VAV2: variants seen among roughly 807,000 people sequenced by gnomAD.
The protein encoded by VAV2 is guanine nucleotide exchange factor VAV2.
In VAV2, 67 loss-of-function variants were observed where a neutral mutation model predicts 132.5. That is an observed-to-expected ratio of 0.51 (90% CI 0.42 to 0.62). VAV2 has a LOEUF of 0.62. Ranked by LOEUF, VAV2 falls within the 20% of genes least tolerant of loss-of-function variation. The pLI, the probability that VAV2 is intolerant of heterozygous loss-of-function variation, is 0.00. For synonymous variants in VAV2, 492 were observed against 443.5 expected, an observed-to-expected ratio of 1.11 and a Z score of -1.37; for missense variants, 938 against 1,153.6, an observed-to-expected ratio of 0.81 and a Z score of 2.71.
intron 2 of VAV2, among the ~76,000 whole-genome samples, chr9:133,865,269 A>G (rs1236780372): frequency 6.6e-6 from 1 of 152,186 alleles, no homozygotes; most frequent in Non-Finnish European, 1.5e-5. Context: ...TAGGACAATC[A>G]CCCAATCTTG....
intron 2 of VAV2, among the ~76,000 whole-genome samples, chr9:133,878,174 C>T (rs966416547): frequency 3.9e-5 from 6 of 152,198 alleles, no homozygotes; most frequent in African/African-American, 7.2e-5. Context: ...ACAGATGCTC[C>T]GGGTGTACCA....
intron 20 of VAV2, 129 bp from the exon 21 acceptor site, chr9:133,780,068 G>A (rs779690064): frequency 7.8e-7 from 1 of 1,275,938 alleles, no homozygotes; most frequent in Non-Finnish European, 1.1e-6. Context: ...AGGAGCAGGG[G>A]AGGAGAGGGA....
chr9:133,917,617 C>T (rs1564464454), intron 2 of VAV2, among the ~76,000 whole-genome samples: 1 of 152,140 alleles, frequency 6.6e-6, no homozygotes, highest in Non-Finnish European at 1.5e-5. Context: ...CCCCTCTGGG[C>T]CTCACTCCCT....
In VAV2 at chr9:133,794,014, C is replaced by T. The variant is rs1834605195; in HGVS notation, c.1101+1654G>A. Among the ~76,000 whole-genome samples the T allele has an allele frequency of 6.6e-6, 1 of 151,204 alleles. No individual in the cohort carries two copies. On this transcript the variant is annotated intron_variant, in intron 12 of 29. Transcript: ENST00000371850. This position sits in a 1 kb window ranked among gnomAD's most constrained non-coding sequence, Gnocchi z 4.6. Reference sequence around the variant, plus strand: ...ACGCACACCCGCAAGTCACCGAGTACTTTGTGCAGCACCGTGAGCTACACT... The same window carrying T: ...ACGCACACCCGCAAGTCACCGAGTATTTTGTGCAGCACCGTGAGCTACACT...
At position 133,926,739 on chromosome 9, in the gene VAV2, C is replaced by T. The variant is rs1165424612; in HGVS notation, c.321+12364G>A. Among the ~76,000 whole-genome samples, 1 of 152,196 alleles carries T rather than the reference C, an allele frequency of 6.6e-6. No individual in the cohort carries two copies. Among genetic ancestry groups the T allele is most frequent in the Non-Finnish European group, 1.5e-5 (1 of 68,036 alleles). On this transcript the variant is annotated intron_variant, in intron 2 of 29. Coordinates refer to ENST00000371850, the MANE Select transcript of VAV2 (RefSeq NM_001134398.2). The surrounding 1 kb of genome is among the most constrained non-coding windows in gnomAD (Gnocchi z 4.3). ...AACTGTCTAACACACCTCTGCCCAC[C>T]AAAGTCCCTGTCACTCTGCACAGTA...
intron 2 of VAV2, among the ~76,000 whole-genome samples, chr9:133,873,565 C>T (rs1183592474): frequency 1.3e-5 from 2 of 152,186 alleles, no homozygotes; most frequent in African/African-American, 2.4e-5. Flanking sequence ...ACGCCTGGAC[C>T]AATAGCCTCA....
intron 4 of VAV2, among the ~76,000 whole-genome samples, chr9:133,827,635 G>A (rs1174509015): frequency 0.074 from 214 of 2,906 alleles, 13 homozygotes; most frequent in East Asian, 0.2. Flanking sequence ...ACCACTGAGT[G>A]GGGGCATCAC....
intron 2 of VAV2, among the ~76,000 whole-genome samples, chr9:133,901,214 C>G (rs547967897): frequency 1.1e-4 from 16 of 152,180 alleles, no homozygotes; most frequent in Non-Finnish European, 1.3e-4. Context: ...GTAAAAGCAC[C>G]ACTCCGGGGG....
Position 133,787,270 on chromosome 9 carries a change from A to G in VAV2, c.1408-10T>C. ...CCATTTTCCCGTGAGACTAGGAAGC[A>G]TGGAGAGGAGAGGAAGGGGAAGACG... On this transcript the variant is annotated splice_polypyrimidine_tract_variant and intron_variant, in intron 15 of 29. Transcript: ENST00000371850. 6.3e-7 allele frequency: 1 copy of G among 1,585,290 alleles called. No individual in the cohort carries two copies. The highest frequency in any genetic ancestry group is 8.6e-7 in the Non-Finnish European group (1 of 1,163,342).
rs531859908 is a variant in VAV2, at chr9:133,967,245, A to G, written c.204+24830T>C. 1.8e-4 allele frequency among the ~76,000 whole-genome samples: 28 copies of G among 152,332 alleles called. No homozygotes were observed. In the South Asian group the frequency reaches 3.7e-3, roughly 20 times the overall value. On this transcript the variant is annotated intron_variant, in intron 1 of 29. Coordinates refer to ENST00000371850, the MANE Select transcript of VAV2 (RefSeq NM_001134398.2). ...ACCCCAGTTATAATAGCTATTATCA[A>G]CAAGAAATCAACAGATGCTGGCAAG...
chr9:133,921,536 G>A (rs1461878010), intron 2 of VAV2, among the ~76,000 whole-genome samples: 1 of 152,016 alleles, frequency 6.6e-6, no homozygotes, highest in African/African-American at 2.4e-5. Context: ...GCTTCCCAGT[G>A]CCTCTCCCTG....
intron 1 of VAV2, among the ~76,000 whole-genome samples, chr9:133,954,217 G>A: frequency 6.6e-6 from 1 of 152,208 alleles, no homozygotes; most frequent in East Asian, 1.9e-4. Context: ...TCATTTCCAG[G>A]GATTTCTGAG....
Position 133,857,192 on chromosome 9 carries a change from C to A in VAV2, c.380+4182G>T, listed in dbSNP as rs1057483310. On this transcript the variant is annotated intron_variant, in intron 3 of 29. Transcript: ENST00000371850. This position sits in a 1 kb window ranked among gnomAD's most constrained non-coding sequence, Gnocchi z 4.0. ...CAGCCGTTCAGAGCTGTGATGACCC[C>A]AAATTAGGGCACCCCCAATCTGGAG... is the stretch of plus-strand genomic sequence containing the variant. 2.0e-5 allele frequency among the ~76,000 whole-genome samples: 3 copies of A among 152,164 alleles called. No homozygotes were observed. The highest frequency in any genetic ancestry group is 6.5e-5 in the Admixed American group (1 of 15,278).
chr9:133,806,761 G>T (rs190093257), intron 8 of VAV2, among the ~76,000 whole-genome samples: 18 of 152,370 alleles, frequency 1.2e-4, no homozygotes, highest in African/African-American at 2.9e-4. Flanking sequence ...GTGGCCGCCA[G>T]GCCAGGAGGA....
At chr9:133,792,153 GTGAC>G (rs1397792073) in intron 12 of VAV2, among the ~76,000 whole-genome samples, 1 of 147,876 alleles carries the variant, frequency 6.8e-6, no homozygotes, top group African/African-American at 2.5e-5. Context: ...TGGGGTGTGT[GTGAC>G]TGTGTGTGTG....
In VAV2 at chr9:133,823,965, G is replaced by T. The variant is rs1007301234; in HGVS notation, c.449+10307C>A. ...GATCTCCCACTGAGAAGGAACAAACGGCCTCTCCCTCAGTGGTGGGGGTGG... is the reference window on the plus strand; with the variant it reads ...GATCTCCCACTGAGAAGGAACAAACTGCCTCTCCCTCAGTGGTGGGGGTGG... On this transcript the variant is annotated intron_variant, in intron 4 of 29. Coordinates refer to ENST00000371850, the MANE Select transcript of VAV2 (RefSeq NM_001134398.2). This position sits in a 1 kb window ranked among gnomAD's most constrained non-coding sequence, Gnocchi z 5.5. Among the ~76,000 whole-genome samples the T allele has an allele frequency of 6.6e-6, 1 of 152,126 alleles. No homozygotes were observed. Among genetic ancestry groups the T allele is most frequent in the African/African-American group, 2.4e-5 (1 of 41,426 alleles).
Position 133,785,357 on chromosome 9 carries a change from A to G in VAV2, c.1532+419T>C, listed in dbSNP as rs1834176579. Among the ~76,000 whole-genome samples, 4 of 152,276 alleles carry G rather than the reference A, an allele frequency of 2.6e-5. No homozygotes were observed. The South Asian group carries it at 8.3e-4, about 32-fold the overall frequency. On this transcript the variant is annotated intron_variant, in intron 17 of 29. Coordinates refer to ENST00000371850, the MANE Select transcript of VAV2 (RefSeq NM_001134398.2). ...GAGTCCTCTTGGATCTCATGGAAAA[A>G]TAGTTCTGTGGCTTCAAAAACAGGT...
intron 3 of VAV2, among the ~76,000 whole-genome samples, chr9:133,858,854 C>G (rs1837486600): frequency 1.3e-5 from 2 of 152,228 alleles, no homozygotes; most frequent in African/African-American, 4.8e-5. Context: ...GGGGTGGCAG[C>G]CTTCAGGGCT....
At chr9:133,886,461 T>G (rs1204370688) in intron 2 of VAV2, among the ~76,000 whole-genome samples, 1 of 152,164 alleles carries the variant, frequency 6.6e-6, no homozygotes, top group Non-Finnish European at 1.5e-5. Context: ...CAGTCTGAGC[T>G]CTGGCCAGGG....
Sources: gnomAD v4.1 joint callset for allele counts (sites outside exome capture counted in the v4.1 genomes callset) on GRCh38, gnomAD v4.1.1 for gene constraint, Gnocchi (gnomAD v3.1) non-coding constraint, MANE v1.5 for transcripts, NCBI Gene and HGNC (gene_info 2026-07-23, HGNC 2026-07-21) for gene names.